CLDN10: variants seen among roughly 807,000 people sequenced by gnomAD.
CLDN10 encodes claudin 10, also known as claudin-10.
A neutral mutation model predicts 22.9 loss-of-function variants in CLDN10; 15 were observed. That is an observed-to-expected ratio of 0.65 (90% confidence interval 0.44 to 1.01). The LOEUF is 1.01. Ranked by LOEUF, CLDN10 falls within the 50% of genes least tolerant of loss-of-function variation. The probability of loss-of-function intolerance (pLI) is 0.00; values close to 1 mark genes in which losing one functional copy is unlikely to be tolerated. For missense variants in CLDN10, 247 were observed against 287.8 expected, an observed-to-expected ratio of 0.86 and a Z score of 1.03; for synonymous variants, 114 against 111.4, an observed-to-expected ratio of 1.02 and a Z score of -0.15.
chr13:95,530,139 C>T (rs1227556698), intron 1 of CLDN10, among the ~76,000 whole-genome samples: 3 of 151,820 alleles, frequency 2.0e-5, no homozygotes, highest in Admixed American at 6.6e-5. Flanking sequence ...TTTGTTTCCT[C>T]TTGATTCACC....
chr13:95,438,059 AT>A (rs1480851445), intron 1 of CLDN10, among the ~76,000 whole-genome samples: 1 of 151,824 alleles, frequency 6.6e-6, no homozygotes, highest in Non-Finnish European at 1.5e-5. Context: ...TCTGTTTTTA[AT>A]TTTTGTTTTT....
intron 1 of CLDN10, among the ~76,000 whole-genome samples, chr13:95,524,533 A>G (rs924145834): frequency 6.6e-6 from 1 of 152,242 alleles, no homozygotes; most frequent in Non-Finnish European, 1.5e-5. Context: ...TGGAAATACC[A>G]CATGTTGTTT....
chr13:95,469,113 T>C (rs2042606248), intron 1 of CLDN10, among the ~76,000 whole-genome samples: 1 of 151,696 alleles, frequency 6.6e-6, no homozygotes, highest in South Asian at 2.1e-4. Context: ...TTGGTTTTGT[T>C]TTCTGTTTCT....
At chr13:95,444,326 G>C (rs890173880) in intron 1 of CLDN10, among the ~76,000 whole-genome samples, 5 of 152,338 alleles carry the variant, frequency 3.3e-5, no homozygotes, top group African/African-American at 1.2e-4. Context: ...TTGAATTGCA[G>C]AAGGCAGCAG....
At chr13:95,460,368 A>G (rs1412072138) in intron 1 of CLDN10, among the ~76,000 whole-genome samples, 1 of 152,104 alleles carries the variant, frequency 6.6e-6, no homozygotes, top group African/African-American at 2.4e-5. Flanking sequence ...CCATTCTCAC[A>G]TTGCTATAAG....
At chr13:95,551,767 T>G (rs2043569174), upstream of CLDN10, among the ~76,000 whole-genome samples, 1 of 152,182 alleles carries the variant, frequency 6.6e-6, no homozygotes, top group Non-Finnish European at 1.5e-5. Context: ...ATGCCCAGAT[T>G]TGTGGCCTCA....
At chr13:95,559,882 G>A (rs1045986233) in intron 1 of CLDN10, among the ~76,000 whole-genome samples, 2 of 152,092 alleles carry the variant, frequency 1.3e-5, no homozygotes, top group Non-Finnish European at 1.5e-5. Context: ...TTTCCTCACT[G>A]GTGAATATGG....
At chr13:95,520,546 T>C (rs1340657948) in intron 1 of CLDN10, among the ~76,000 whole-genome samples, 1 of 152,180 alleles carries the variant, frequency 6.6e-6, no homozygotes, top group Non-Finnish European at 1.5e-5. Flanking sequence ...GCTACTTTTG[T>C]ATTTTTATTA....
At chr13:95,523,841 T>C (rs996960220) in intron 1 of CLDN10, among the ~76,000 whole-genome samples, 1 of 152,180 alleles carries the variant, frequency 6.6e-6, no homozygotes, top group African/African-American at 2.4e-5. Flanking sequence ...GTCTTGTGCA[T>C]TGTAGGACAT....
upstream of CLDN10, among the ~76,000 whole-genome samples, chr13:95,550,165 A>G (rs1057017093): frequency 5.9e-5 from 9 of 152,180 alleles, no homozygotes; most frequent in Admixed American, 1.3e-4. Context: ...GGAATTCAGA[A>G]TTTGTTTCTT....
intron 1 of CLDN10, among the ~76,000 whole-genome samples, chr13:95,518,537 C>T (rs2043192761): frequency 6.6e-6 from 1 of 152,102 alleles, no homozygotes; most frequent in African/African-American, 2.4e-5. Context: ...AGGTGGATTG[C>T]TTGAGGTCAG....
At chr13:95,555,597 AT>A (rs1271093843) in intron 1 of CLDN10, among the ~76,000 whole-genome samples, 1 of 152,220 alleles carries the variant, frequency 6.6e-6, no homozygotes, top group Non-Finnish European at 1.5e-5. Context: ...GGACTTTGAA[AT>A]TTGTAATAGA....
At chr13:95,526,220 AT>A (rs920474745) in intron 1 of CLDN10, among the ~76,000 whole-genome samples, 2 of 151,534 alleles carry the variant, frequency 1.3e-5, no homozygotes, top group East Asian at 1.9e-4. Context: ...TAATTGTTAG[AT>A]TTTTTTTCTC....
intron 1 of CLDN10, among the ~76,000 whole-genome samples, chr13:95,536,860 T>A (rs551078677): frequency 6.6e-6 from 1 of 152,324 alleles, no homozygotes; most frequent in South Asian, 2.1e-4. Context: ...GGCGCAAATT[T>A]CTCATGAAAT....
intron 1 of CLDN10, among the ~76,000 whole-genome samples, chr13:95,542,145 G>A (rs1487195108): frequency 2.0e-5 from 3 of 152,186 alleles, no homozygotes; most frequent in Admixed American, 6.5e-5. Flanking sequence ...CAGATCTCAC[G>A]AGAACTCATT....
At chr13:95,471,366 G>A (rs2042629349) in intron 1 of CLDN10, among the ~76,000 whole-genome samples, 1 of 147,688 alleles carries the variant, frequency 6.8e-6, no homozygotes, top group Non-Finnish European at 1.5e-5. Flanking sequence ...ATATGTGTGT[G>A]TGTGTGTATA....
chr13:95,447,053 T>C (rs997473260), intron 1 of CLDN10, among the ~76,000 whole-genome samples: 2 of 152,114 alleles, frequency 1.3e-5, no homozygotes, highest in Non-Finnish European at 2.9e-5. Flanking sequence ...CTAAATTTCC[T>C]TGGGTTGATA....
intron 1 of CLDN10, among the ~76,000 whole-genome samples, chr13:95,515,664 C>T (rs1278859074): frequency 6.6e-6 from 1 of 152,196 alleles, no homozygotes; most frequent in Non-Finnish European, 1.5e-5. Flanking sequence ...TGCCATCATA[C>T]AGCTAACTAC....
intron 1 of CLDN10, among the ~76,000 whole-genome samples, chr13:95,497,733 A>G (rs1165119211): frequency 6.6e-6 from 1 of 152,208 alleles, no homozygotes; most frequent in East Asian, 1.9e-4. Context: ...GGAAAATCCA[A>G]GTGTTTAAAA....
Sources: allele counts gnomAD v4.1 joint callset (sites outside exome capture counted in the v4.1 genomes callset), GRCh38; gene constraint gnomAD v4.1.1; transcripts MANE v1.5; gene names NCBI Gene and HGNC (gene_info 2026-07-23, HGNC 2026-07-21).